PHF3: variants seen among roughly 807,000 people sequenced by gnomAD.
The protein encoded by PHF3 is PHD finger protein 3.
PHF3 carries 41 observed loss-of-function variants against 178.4 expected under a neutral mutation model. The ratio of observed to expected loss-of-function variants is 0.23; its 90% CI spans 0.18 to 0.30. PHF3 has a LOEUF of 0.30. Among genes scored for constraint, PHF3 ranks in the 10% least tolerant of loss-of-function variants. PHF3 has a pLI of 1.00. For missense variants in PHF3, 2,346 were observed against 2,398.1 expected (o/e 0.98, Z 0.45); for synonymous variants, 842 against 800.5 (o/e 1.05, Z -0.88).
chr6:63,721,452 A>C lies in PHF3; in HGVS notation c.*7744A>C. ...GCCACCTTTTGCTCCAAATTCAGTT[A>C]ATTGTAATTCTTGATTATTTATGAT... On this transcript the variant is annotated 3_prime_UTR_variant, in exon 16 of 16. Coordinates refer to ENST00000262043, the MANE Select transcript of PHF3 (RefSeq NM_001370348.2). 6.4e-7 allele frequency: 1 copy of C among 1,551,638 alleles called. No individual in the cohort carries two copies. Among genetic ancestry groups the C allele is most frequent in the Non-Finnish European group, 8.7e-7 (1 of 1,146,928 alleles).
rs1463368488 is a variant in PHF3 at position 63,719,622 on chromosome 6, AT to A, written c.*5920del. ...CAGTAACTGTTTTGGGAAAAATAAT[AT>A]TTTTTCAAGTTATGCTATCAACAGT... On this transcript the variant is annotated 3_prime_UTR_variant, in exon 16 of 16. Transcript: ENST00000262043. 1.3e-5 allele frequency among the ~76,000 whole-genome samples: 2 copies of A among 152,078 alleles called. No homozygotes were observed. The highest frequency in any genetic ancestry group is 2.9e-5 in the Non-Finnish European group (2 of 67,968).
rs1023801978 is a variant in PHF3, at chr6:63,718,531, T to C, written c.*4823T>C. 2.0e-5 allele frequency among the ~76,000 whole-genome samples: 3 copies of C among 152,082 alleles called. No individual in the cohort carries two copies. The highest frequency in any genetic ancestry group is 7.2e-5 in the African/African-American group (3 of 41,454). On this transcript the variant is annotated 3_prime_UTR_variant, in exon 16 of 16. Transcript: ENST00000262043. ...ATTTAGTAAGAAGAGTGTCATTGTCTTGATTTTTGCATATTTCCAATTTCT... is the reference window on the plus strand; with the variant it reads ...ATTTAGTAAGAAGAGTGTCATTGTCCTGATTTTTGCATATTTCCAATTTCT...
chr6:63,689,053 A>G (rs908618956), intron 4 of PHF3, among the ~76,000 whole-genome samples: 1 of 152,228 alleles, frequency 6.6e-6, no homozygotes, highest in African/African-American at 2.4e-5. Flanking sequence ...ACTTCTATGC[A>G]TATCCTAAAG....
At chr6:63,658,604 GAT>G (rs1491262232) in intron 2 of PHF3, among the ~76,000 whole-genome samples, 4 of 151,848 alleles carry the variant, frequency 2.6e-5, no homozygotes, top group Non-Finnish European at 5.9e-5. Context: ...CTTGCTTTCA[GAT>G]TTTTTCATCT....
chr6:63,701,531 G>C (rs535292281), intron 9 of PHF3, among the ~76,000 whole-genome samples: 1 of 152,236 alleles, frequency 6.6e-6, no homozygotes, highest in South Asian at 2.1e-4. Flanking sequence ...CCTTATTCTA[G>C]AAAATACTGG....
At chr6:63,710,565 C>G (rs1232878408) in intron 14 of PHF3, among the ~76,000 whole-genome samples, 1 of 152,154 alleles carries the variant, frequency 6.6e-6, no homozygotes, top group Admixed American at 6.6e-5. Flanking sequence ...TCTTTTCTAT[C>G]TGAAACAAAA....
At chr6:63,649,900 G>A (rs1317258371) in intron 2 of PHF3, among the ~76,000 whole-genome samples, 1 of 152,124 alleles carries the variant, frequency 6.6e-6, no homozygotes, top group Admixed American at 6.5e-5. Context: ...TACCACTTGA[G>A]GAGTGTATTC....
In PHF3 at chr6:63,685,618, A is replaced by G. The variant is rs1177888778; in HGVS notation, c.1896A>G (p.Gln632=). Residue 632 remains glutamine (Q), a synonymous_variant, in exon 4 of 16, where the codon CAA becomes CAG. Coordinates refer to ENST00000262043, the MANE Select transcript of PHF3 (RefSeq NM_001370348.2). ...SSQKQCHKPQ[Q]QAPAMKTNSH... is the part of the protein sequence containing the mutation. ...AGAAACAGTGTCATAAGCCTCAGCA[A>G]CAGGCCCCAGCAATGAAAACCAATA... 1 of 1,614,170 alleles carries G rather than the reference A, an allele frequency of 6.2e-7. No homozygotes were observed. The highest frequency in any genetic ancestry group is 8.5e-7 in the Non-Finnish European group (1 of 1,180,024).
rs1233091765 is a variant in PHF3 at position 63,713,566 on chromosome 6, A to T, written c.5978A>T (p.Asp1993Val). The T allele has an allele frequency of 6.2e-7, 1 of 1,613,826 alleles. No homozygotes were observed. Among genetic ancestry groups the T allele is most frequent in the Non-Finnish European group, 8.5e-7 (1 of 1,179,916 alleles). ...GCAAGCAGAGATAGTAGGAATGTAG[A>T]CAAGAAGCCAGATAAACCTAAAAGT... The part of the protein sequence containing the change: ...GKASRDSRNV[D>V]KKPDKPKSED... Residue 1993 changes from aspartate (D) to valine (V), a missense_variant, in exon 16 of 16, where the codon GAC (aspartate) becomes GTC (valine). Coordinates refer to ENST00000262043, the MANE Select transcript of PHF3 (RefSeq NM_001370348.2).
chr6:63,644,309 A>T (rs1235366895), intron 1 of PHF3, among the ~76,000 whole-genome samples: 1 of 152,216 alleles, frequency 6.6e-6, no homozygotes, highest in East Asian at 1.9e-4. Context: ...AAATGAATTC[A>T]TTGGTAGTTC....
chr6:63,723,234 CAT>C lies in PHF3; in HGVS notation c.*9527_*9528del, dbSNP rs1341114790. Among the ~76,000 whole-genome samples, 15 of 152,022 alleles carry C rather than the reference CAT, an allele frequency of 9.9e-5. No individual in the cohort carries two copies. Among genetic ancestry groups the C allele is most frequent in the Middle Eastern group, 3.2e-3 (1 of 316 alleles). ...CTCAGTTTATTTGCATAATTTCTAA[CAT>C]GTATAGCATTTTTAACTATAAGGAA... On this transcript the variant is annotated 3_prime_UTR_variant, in exon 16 of 16. Transcript: ENST00000262043.
In PHF3 at chr6:63,688,637, T is replaced by C. The variant is rs184044790; in HGVS notation, c.2189+2726T>C. Among the ~76,000 whole-genome samples the C allele has an allele frequency of 5.4e-3, 820 of 152,028 alleles. 3 individuals carry two copies. The highest frequency in any genetic ancestry group is 8.3e-3 in the Non-Finnish European group (562 of 67,960). ...GGCACAAGCCATGGCGCCCAGCTGA[T>C]TGTTGTTTTTACATATTAACTAGCC... On this transcript the variant is annotated intron_variant, in intron 4 of 15. Coordinates refer to ENST00000262043, the MANE Select transcript of PHF3 (RefSeq NM_001370348.2).
In PHF3 at chr6:63,713,685, G is replaced by A; in HGVS notation, c.6097G>A (p.Asp2033Asn). 1 of 1,567,698 alleles carries A rather than the reference G, an allele frequency of 6.4e-7. No individual in the cohort carries two copies. The highest frequency in any genetic ancestry group is 8.6e-7 in the Non-Finnish European group (1 of 1,165,032). ...GTACCACAAAGATAGGGACCACACT[G>A]ACAGAACTAAAAGCAAAAGGTAAAA... ...DRYHKDRDHT[D>N]RTKSKR Residue 2033 changes from aspartate (D) to asparagine (N), a missense_variant, in exon 16 of 16, where the codon GAC becomes AAC. Physicochemically the swap from Asp to Asn is conservative, Grantham distance 23. Around this residue, in one of 8 missense-constraint regions of PHF3, gnomAD observed 839 missense variants for 806.9 expected, o/e 1.04. Coordinates refer to ENST00000262043, the MANE Select transcript of PHF3 (RefSeq NM_001370348.2).
At chr6:63,704,248 G>A (rs964131964) in intron 11 of PHF3, among the ~76,000 whole-genome samples, 1 of 151,990 alleles carries the variant, frequency 6.6e-6, no homozygotes, top group African/African-American at 2.4e-5. Context: ...GAAAAATAAT[G>A]ACCCCAAATC....
At position 63,684,954 on chromosome 6, in the gene PHF3, T is replaced by C. The variant is rs757661828; in HGVS notation, c.1232T>C (p.Leu411Ser). ...GAAGATGCGGAGTCTAATAGGCAGT[T>C]GGAGAGCACTGAGTTTAATAAATCA... is the stretch of plus-strand genomic sequence containing the variant. ...YCEDAESNRQLESTEFNKSNL... is the reference protein window; with the variant it reads ...YCEDAESNRQSESTEFNKSNL... Residue 411 changes from leucine (L) to serine (S), a missense_variant, in exon 4 of 16, where the codon TTG (leucine) becomes TCG (serine). This residue lies in a region of PHF3 where 843 missense variants were observed against 795.2 expected (regional missense o/e 1.06). Transcript: ENST00000262043. 1 of 1,613,986 alleles carries C rather than the reference T, an allele frequency of 6.2e-7. No individual in the cohort carries two copies. The highest frequency in any genetic ancestry group is 1.1e-5 in the South Asian group (1 of 91,070).
chr6:63,648,529 TC>T (rs1764884703), intron 2 of PHF3, among the ~76,000 whole-genome samples: 1 of 152,188 alleles, frequency 6.6e-6, no homozygotes, highest in Admixed American at 6.5e-5. Flanking sequence ...TATTCCTACT[TC>T]CTGTCCTTTT....
chr6:63,719,170 T>G lies in PHF3; in HGVS notation c.*5462T>G, dbSNP rs1768279178. Among the ~76,000 whole-genome samples the G allele has an allele frequency of 6.6e-6, 1 of 152,048 alleles. No homozygotes were observed. The highest frequency in any genetic ancestry group is 2.4e-5 in the African/African-American group (1 of 41,438). ...ATGGTGTTGACATTCTTAACTCTGG[T>G]CGTAGGTCCTTTTAGGAATGTCTGT... On this transcript the variant is annotated 3_prime_UTR_variant, in exon 16 of 16. Coordinates refer to ENST00000262043, the MANE Select transcript of PHF3 (RefSeq NM_001370348.2).
In PHF3 at chr6:63,724,983, A is replaced by G. The variant is rs1054696691; in HGVS notation, c.*11275A>G. Among the ~76,000 whole-genome samples the G allele has an allele frequency of 5.9e-5, 9 of 152,260 alleles. No individual in the cohort carries two copies. The highest frequency in any genetic ancestry group is 2.2e-4 in the African/African-American group (9 of 41,584). ...AGGACTGTCAGCTGCATTTTCTGCAACCTTAAATAAATGAGAGACTTCAAA... is the reference window on the plus strand; with the variant it reads ...AGGACTGTCAGCTGCATTTTCTGCAGCCTTAAATAAATGAGAGACTTCAAA... On this transcript the variant is annotated 3_prime_UTR_variant, in exon 16 of 16. Coordinates refer to ENST00000262043, the MANE Select transcript of PHF3 (RefSeq NM_001370348.2).
At chr6:63,664,281 C>G (rs749796790) in intron 2 of PHF3, among the ~76,000 whole-genome samples, 39 of 152,194 alleles carry the variant, frequency 2.6e-4, no homozygotes, top group Admixed American at 5.2e-4. Flanking sequence ...TATTTCCTCC[C>G]TAACAAGTGG....
Sources: allele counts gnomAD v4.1 joint callset (sites outside exome capture counted in the v4.1 genomes callset), GRCh38; gene constraint gnomAD v4.1.1; regional missense constraint gnomAD v4.1.1; transcripts MANE v1.5; gene names NCBI Gene and HGNC (gene_info 2026-07-23, HGNC 2026-07-21).